The following STAG1 variants were observed in gnomAD, a reference collection of about 807,000 sequenced individuals.
STAG1 encodes the protein STAG1 cohesin complex component, also known as cohesin subunit SA-1.
Under a neutral mutation model 170.9 loss-of-function variants are expected in STAG1, and 26 were observed. That is an observed-to-expected ratio of 0.15 (90% CI 0.11 to 0.21). The LOEUF (loss-of-function observed/expected upper bound fraction) is 0.21, where lower values mean the gene tolerates loss of function less well. STAG1 is among the 10% of genes least tolerant of loss of function. The pLI is 1.00. For missense variants in STAG1, 964 were observed against 1,509.5 expected (o/e 0.64, Z 5.99); for synonymous variants, 514 against 497.7 (o/e 1.03, Z -0.44).
chr3:136,470,188 G>A (rs991941599), intron 12 of STAG1, among the ~76,000 whole-genome samples: 3 of 152,174 alleles, frequency 2.0e-5, no homozygotes, highest in African/African-American at 7.2e-5. Context: ...TACCATCAGA[G>A]TGAACAGGCA....
chr3:136,656,617 T>G (rs966571062), intron 1 of STAG1, among the ~76,000 whole-genome samples: 46 of 143,294 alleles, frequency 3.2e-4, no homozygotes, highest in African/African-American at 9.0e-4. Flanking sequence ...CTGTATTTAT[T>G]TGTGTGTGTG....
intron 8 of STAG1, among the ~76,000 whole-genome samples, chr3:136,502,158 A>T (rs902196034): frequency 1.8e-4 from 27 of 152,150 alleles, no homozygotes; most frequent in Middle Eastern, 6.8e-3. Context: ...AGCCTGGGCA[A>T]CAAGAGCGAA....
chr3:136,743,926 T>C (rs951088820), intron 1 of STAG1, among the ~76,000 whole-genome samples: 38 of 152,238 alleles, frequency 2.5e-4, no homozygotes, highest in African/African-American at 8.2e-4. Flanking sequence ...TTGAAAACCA[T>C]CATTAATTTA....
intron 23 of STAG1, among the ~76,000 whole-genome samples, chr3:136,372,648 G>A (rs897920421): frequency 2.0e-4 from 30 of 152,186 alleles, no homozygotes; most frequent in African/African-American, 6.5e-4. Flanking sequence ...GCTGGATTAC[G>A]TTTATTGATT....
At chr3:136,737,014 T>C in intron 1 of STAG1, 1 of 1,570,902 alleles carries the variant, frequency 6.4e-7, no homozygotes, top group South Asian at 1.1e-5. Context: ...GATGGATAAC[T>C]GCCGCTTTTT....
intron 1 of STAG1, among the ~76,000 whole-genome samples, chr3:136,639,936 A>AC (rs1374368077): frequency 6.6e-6 from 1 of 152,224 alleles, no homozygotes; most frequent in African/African-American, 2.4e-5. Flanking sequence ...GAAACTTCCC[A>AC]TAAACACTAA....
At chr3:136,587,404 G>C (rs1015770699) in intron 4 of STAG1, among the ~76,000 whole-genome samples, 4 of 151,954 alleles carry the variant, frequency 2.6e-5, no homozygotes, top group African/African-American at 9.7e-5. Flanking sequence ...GCCAGGCATG[G>C]TGGTAGGCAT....
At chr3:136,450,949 A>G (rs926823552) in intron 14 of STAG1, among the ~76,000 whole-genome samples, 3 of 152,042 alleles carry the variant, frequency 2.0e-5, no homozygotes, top group Admixed American at 6.6e-5. Context: ...GACTTTTGCT[A>G]TATTAGCCAG....
chr3:136,638,587 G>T (rs1940672519), intron 1 of STAG1, among the ~76,000 whole-genome samples: 1 of 152,102 alleles, frequency 6.6e-6, no homozygotes, highest in African/African-American at 2.4e-5. Flanking sequence ...ACTAATCAAA[G>T]TTAGCAGCTT....
At chr3:136,652,645 T>C (rs6772759) in intron 1 of STAG1, among the ~76,000 whole-genome samples, 52,982 of 152,078 alleles carry the variant, frequency 0.35, 10,364 homozygotes, top group African/African-American at 0.52. Flanking sequence ...AATCTACAAA[T>C]TATTAGACTC....
intron 4 of STAG1, among the ~76,000 whole-genome samples, chr3:136,590,741 T>TAATTCAGCTGAATC: frequency 6.6e-6 from 1 of 152,070 alleles, no homozygotes; most frequent in East Asian, 1.9e-4. Flanking sequence ...TCTAAAGGGG[T>TAATTCAGCTGAATC]TCAATGATGA....
chr3:136,538,241 G>T (rs1021421550), intron 6 of STAG1, among the ~76,000 whole-genome samples: 1 of 152,018 alleles, frequency 6.6e-6, no homozygotes, highest in African/African-American at 2.4e-5. Context: ...TAATAAATAT[G>T]CATATGCTGC....
At chr3:136,613,707 G>A (rs562620606) in intron 3 of STAG1, among the ~76,000 whole-genome samples, 2 of 152,076 alleles carry the variant, frequency 1.3e-5, no homozygotes, top group Admixed American at 6.5e-5. Flanking sequence ...GGCTGGTCTC[G>A]AACTCCTGGA....
intron 20 of STAG1, among the ~76,000 whole-genome samples, chr3:136,419,213 A>T (rs549010991): frequency 1.4e-5 from 2 of 147,002 alleles, no homozygotes; most frequent in South Asian, 4.4e-4. Flanking sequence ...ACAGTTTTTT[A>T]AAAAAATAAA....
chr3:136,340,665 T>A, intron 31 of STAG1, 60 bp from the exon 32 acceptor site: 1 of 1,092,732 alleles, frequency 9.2e-7, no homozygotes, highest in Non-Finnish European at 1.4e-6. Flanking sequence ...GAGTCCTGGC[T>A]GTTTCTCAGA....
At chr3:136,362,657 GATC>G (rs1048035102) in intron 26 of STAG1, among the ~76,000 whole-genome samples, 3 of 150,778 alleles carry the variant, frequency 2.0e-5, no homozygotes, top group African/African-American at 7.3e-5. Flanking sequence ...AATTTATACG[GATC>G]ATCAATTATG....
intron 14 of STAG1, among the ~76,000 whole-genome samples, chr3:136,444,528 T>C (rs986377212): frequency 2.0e-5 from 3 of 152,238 alleles, no homozygotes; most frequent in African/African-American, 7.2e-5. Context: ...ACAGTCCTGG[T>C]AATCAGTGTT....
At chr3:136,412,922 C>A (rs112054152) in intron 21 of STAG1, among the ~76,000 whole-genome samples, 1 of 148,978 alleles carries the variant, frequency 6.7e-6, no homozygotes, top group African/African-American at 2.5e-5. Context: ...AGTGCAGTGG[C>A]GTAAATCTCA....
intron 12 of STAG1, among the ~76,000 whole-genome samples, chr3:136,468,680 CA>C (rs1417689699): frequency 6.6e-6 from 1 of 151,954 alleles, no homozygotes; most frequent in Non-Finnish European, 1.5e-5. Context: ...AGACACATAA[CA>C]AAAAAAGAGA....
Sources: allele counts gnomAD v4.1 joint callset (sites outside exome capture counted in the v4.1 genomes callset), GRCh38; gene constraint gnomAD v4.1.1; transcripts MANE v1.5; gene names NCBI Gene and HGNC (gene_info 2026-07-23, HGNC 2026-07-21).